The following MGAT1 variants were observed in gnomAD, a reference collection of about 807,000 sequenced individuals.
The protein encoded by MGAT1 is N-glycosyl-oligosaccharide-glycoprotein N-acetylglucosaminyltransferase I.
In MGAT1, 14 loss-of-function variants were observed where a neutral mutation model predicts 31.7. The observed-to-expected ratio is 0.44, with a 90% CI of 0.29 to 0.69. The LOEUF (loss-of-function observed/expected upper bound fraction) is 0.69. MGAT1 is among the 30% of genes least tolerant of loss of function. The pLI, the probability that MGAT1 is intolerant of heterozygous loss-of-function variation, is 0.12. For synonymous variants in MGAT1, 338 were observed against 276.0 expected, an observed-to-expected ratio of 1.22 and a Z score of -2.23; for missense variants, 557 against 626.0, an observed-to-expected ratio of 0.89 and a Z score of 1.18.
Position 180,791,422 on chromosome 5 carries a change from C to A in MGAT1, c.*212G>T. The A allele has an allele frequency of 1.5e-6, 1 of 657,682 alleles. No homozygotes were observed. Among genetic ancestry groups the A allele is most frequent in the Non-Finnish European group, 2.6e-6 (1 of 386,990 alleles). 40.7% of individuals were successfully genotyped at this position (657,682 alleles called of 1,614,324 possible). ...TGGTTTCCTGCTTAATACCCCGCAA[C>A]ATACCCTAGAATAGTTCCCCTGATC... On this transcript the variant is annotated 3_prime_UTR_variant, in exon 2 of 2. Coordinates refer to ENST00000307826, the MANE Select transcript of MGAT1 (RefSeq NM_002406.4).
At chr5:180,809,359 C>T (rs1772284331) in intron 1 of MGAT1, 2 of 152,004 alleles carry the variant, frequency 1.3e-5, no homozygotes, top group African/African-American at 4.8e-5. Flanking sequence ...AAAGATGGAT[C>T]GTACCCGTTC....
intron 1 of MGAT1, among the ~76,000 whole-genome samples, chr5:180,796,131 C>A (rs1181126832): frequency 6.6e-6 from 1 of 152,176 alleles, no homozygotes; most frequent in Non-Finnish European, 1.5e-5. Flanking sequence ...CTAATCCTGG[C>A]CAAAACCTTG....
intron 1 of MGAT1, chr5:180,810,726 C>G (rs1202144661): frequency 6.6e-6 from 1 of 152,116 alleles, no homozygotes; most frequent in African/African-American, 2.4e-5. Context: ...TTTCGGAAAG[C>G]ACCGGGGCCT....
At chr5:180,803,275 CG>C (rs1225294735), upstream of MGAT1, 5 of 152,464 alleles carry the variant, frequency 3.3e-5, no homozygotes, top group African/African-American at 4.8e-5. Context: ...GGGTGCCCGA[CG>C]GGGGGCCGGG....
chr5:180,791,957 C>G lies in MGAT1; in HGVS notation c.1015G>C (p.Val339Leu). 1.2e-6 allele frequency: 2 copies of G among 1,614,210 alleles called. No homozygotes were observed. The highest frequency in any genetic ancestry group is 8.5e-7 in the Non-Finnish European group (1 of 1,180,048). ...GACAGGTCCAGCTGGGTGAAGTGCA[C>G]AAACTGCTGGTTCAGCTTGATAAAC... ...LKFIKLNQQF[V>L]HFTQLDLSYL... Residue 339 changes from valine to leucine, a missense_variant, in exon 2 of 2, where the codon GTG becomes CTG. Val to Leu is a conservative substitution (Grantham distance 32, BLOSUM62 1). Coordinates refer to ENST00000307826, the MANE Select transcript of MGAT1 (RefSeq NM_002406.4).
At chr5:180,801,692 T>C (rs1741750370) in intron 1 of MGAT1, among the ~76,000 whole-genome samples, 1 of 152,224 alleles carries the variant, frequency 6.6e-6, no homozygotes, top group Non-Finnish European at 1.5e-5. Context: ...GACCCACTTG[T>C]ACCTTAGTTC....
Position 180,792,900 on chromosome 5 carries a change from C to A in MGAT1, c.72G>T (p.Leu24=). The A allele has an allele frequency of 6.2e-7, 1 of 1,609,024 alleles. No homozygotes were observed. Among genetic ancestry groups the A allele is most frequent in the Non-Finnish European group, 8.5e-7 (1 of 1,178,170 alleles). ...AILFVAWNAL[L]LLFFWTRPAP... ...CTGGGCGCGTCCAGAAGAAGAGGAG[C>A]AGCAGGGCATTCCAGGCCACAAAGA... Residue 24 remains leucine (L), a synonymous_variant, in exon 2 of 2, where the codon CTG becomes CTT. Coordinates refer to ENST00000307826, the MANE Select transcript of MGAT1 (RefSeq NM_002406.4).
chr5:180,794,789 GA>G (rs1289129354), intron 1 of MGAT1, among the ~76,000 whole-genome samples: 1 of 152,030 alleles, frequency 6.6e-6, no homozygotes, highest in East Asian at 1.9e-4. Context: ...GTTCCCCAGG[GA>G]TAACAGGCTG....
chr5:180,809,420 G>C (rs1195351569), intron 1 of MGAT1: 1 of 152,034 alleles, frequency 6.6e-6, no homozygotes, highest in Non-Finnish European at 1.5e-5. Flanking sequence ...AGAAAAGAAC[G>C]CCCTTTCTCC....
rs1486338996 is a variant in MGAT1 at position 180,802,793 on chromosome 5, C to T, written c.-240G>A. The T allele has an allele frequency of 1.3e-5, 2 of 151,948 alleles. No homozygotes were observed. The highest frequency in any genetic ancestry group is 2.9e-5 in the Non-Finnish European group (2 of 67,990). The allele number at this position is 151,948 out of a possible 1,614,324, so 9.4% of individuals were successfully genotyped here. A position where few individuals can be genotyped will look rare whatever the true frequency, so the allele number is the denominator to read the frequency against. ...CGCGGCCGCCTCGCCTTTCGACTCG[C>T]CAGCCCTTTCTGCGGCGCGCCGGGG... On this transcript the variant is annotated 5_prime_UTR_variant, in exon 1 of 2. Coordinates refer to ENST00000307826, the MANE Select transcript of MGAT1 (RefSeq NM_002406.4).
At chr5:180,794,773 G>T (rs1768990723) in intron 1 of MGAT1, among the ~76,000 whole-genome samples, 1 of 152,112 alleles carries the variant, frequency 6.6e-6, no homozygotes, top group South Asian at 2.1e-4. Context: ...TCTGGTGAGT[G>T]AGCTAGTTCC....
At chr5:180,813,620 C>T (rs1287975964) in intron 1 of MGAT1, among the ~76,000 whole-genome samples, 1 of 152,138 alleles carries the variant, frequency 6.6e-6, no homozygotes, top group Non-Finnish European at 1.5e-5. Context: ...ACCTAGAGGA[C>T]CAGCAGGTGG....
chr5:180,809,763 TC>T (rs1772338351), intron 1 of MGAT1: 1 of 90,962 alleles, frequency 1.1e-5, no homozygotes, highest in Non-Finnish European at 2.2e-5. Context: ...TGTTGCCCCC[TC>T]CCCTCCAAGT....
rs1561804001 is a variant in MGAT1, at chr5:180,788,811, G to GTAAGTTGGTACTTATCCTGGAGCAC, written c.*2798_*2822dup. Reference sequence around the variant, plus strand: ...GTTGGTACTTATCCTGGAGCACTAAGTAAGTTGGTACTTATCCTGGAGCAC... The same window carrying GTAAGTTGGTACTTATCCTGGAGCAC: ...GTTGGTACTTATCCTGGAGCACTAAGTAAGTTGGTACTTATCCTGGAGCACTAAGTTGGTACTTATCCTGGAGCAC... On this transcript the variant is annotated 3_prime_UTR_variant, in exon 2 of 2. Coordinates refer to ENST00000307826, the MANE Select transcript of MGAT1 (RefSeq NM_002406.4). The GTAAGTTGGTACTTATCCTGGAGCAC allele has an allele frequency of 6.0e-5, 9 of 150,928 alleles. No individual in the cohort carries two copies. Among genetic ancestry groups the GTAAGTTGGTACTTATCCTGGAGCAC allele is most frequent in the East Asian group, 2.0e-4 (1 of 5,102 alleles). 9.3% of individuals were successfully genotyped at this position (150,928 alleles called of 1,614,324 possible). A position where few individuals can be genotyped will look rare whatever the true frequency, so the allele number is the denominator to read the frequency against.
At chr5:180,805,811 C>G (rs1024580975), upstream of MGAT1, among the ~76,000 whole-genome samples, 5 of 152,008 alleles carry the variant, frequency 3.3e-5, no homozygotes, top group African/African-American at 1.2e-4. Context: ...TCCCTGCCTC[C>G]TAATATCTCT....
At chr5:180,802,460 G>A (rs1179173144) in intron 1 of MGAT1, among the ~76,000 whole-genome samples, 2 of 152,118 alleles carry the variant, frequency 1.3e-5, no homozygotes, top group South Asian at 2.1e-4. Context: ...CTGGAGGCCC[G>A]GGATTCCGAA....
chr5:180,805,183 A>G (rs1485287098), upstream of MGAT1, among the ~76,000 whole-genome samples: 1 of 152,184 alleles, frequency 6.6e-6, no homozygotes, highest in African/African-American at 2.4e-5. Flanking sequence ...GGATTGGATT[A>G]TGTGCAAAAG....
chr5:180,804,389 A>C (rs868826062), upstream of MGAT1, among the ~76,000 whole-genome samples: 22 of 152,198 alleles, frequency 1.4e-4, no homozygotes, highest in Admixed American at 9.8e-4. Context: ...CGCTGCCGTG[A>C]AGCCTCCGCT....
intron 1 of MGAT1, among the ~76,000 whole-genome samples, chr5:180,814,948 A>G (rs1030501725): frequency 1.3e-5 from 2 of 151,528 alleles, no homozygotes; most frequent in Non-Finnish European, 3.0e-5. Context: ...CTCAAAAAAA[A>G]AAAAAAATTA....
Sources: allele counts gnomAD v4.1 joint callset (sites outside exome capture counted in the v4.1 genomes callset), GRCh38; gene constraint gnomAD v4.1.1; transcripts MANE v1.5; gene names NCBI Gene and HGNC (gene_info 2026-07-23, HGNC 2026-07-21).